The following SLC28A2 variants were observed in gnomAD, a reference collection of about 807,000 sequenced individuals.
The protein encoded by SLC28A2 is solute carrier family 28 member 2, also known as sodium/nucleoside cotransporter 2.
Under a neutral mutation model 72.9 loss-of-function variants are expected in SLC28A2, and 69 were observed. That is an observed-to-expected ratio of 0.95 (90% CI 0.78 to 1.16). SLC28A2 has a LOEUF of 1.16. Among genes scored for constraint, SLC28A2 ranks in the 50% most tolerant of loss-of-function variants. The probability of loss-of-function intolerance (pLI) is 0.00; values close to 1 mark genes in which losing one functional copy is unlikely to be tolerated. For synonymous variants in SLC28A2, 296 were observed against 294.1 expected (o/e 1.01, Z -0.07); for missense variants, 745 against 791.1 (o/e 0.94, Z 0.70).
At chr15:45,269,029 A>T (rs1327931250) in intron 13 of SLC28A2, among the ~76,000 whole-genome samples, 1 of 59,298 alleles carries the variant, frequency 1.7e-5, no homozygotes. Flanking sequence ...GGGTGGGGGG[A>T]GGGGGGAGGG....
chr15:45,264,727 C>G lies in SLC28A2; in HGVS notation c.661C>G (p.Leu221Val), dbSNP rs1409172844. 6.2e-7 allele frequency: 1 copy of G among 1,613,466 alleles called. No individual in the cohort carries two copies. The highest frequency in any genetic ancestry group is 8.5e-7 in the Non-Finnish European group (1 of 1,179,556). Residue 221 changes from leucine (L) to valine (V), a missense_variant, in exon 7 of 18, where the codon CTT becomes GTT. By Grantham distance (32) the Leu-to-Val change is conservative. Transcript: ENST00000347644. ...VFGILVIRTDLGYTVFQWLGE... is the reference protein window; with the variant it reads ...VFGILVIRTDVGYTVFQWLGE... ...TGGGATCTTGGTCATCAGAACTGAT[C>G]TTGGATATACTGTATTTCAGTGGCT... is the stretch of plus-strand genomic sequence containing the variant.
rs1899862014 is a variant in SLC28A2, at chr15:45,253,301, T to C, written c.81+5T>C. On this transcript the variant is annotated splice_donor_5th_base_variant and intron_variant, in intron 2 of 17. Coordinates refer to ENST00000347644, the MANE Select transcript of SLC28A2 (RefSeq NM_004212.4). ...AACCCGGGGCTGGAGCTCATGGTAA[T>C]CACCAGTTTAGTTTCTCTCTGCAGA... 2 of 1,609,862 alleles carry C rather than the reference T, an allele frequency of 1.2e-6. No individual in the cohort carries two copies. The highest frequency in any genetic ancestry group is 1.3e-5 in the African/African-American group (1 of 75,016).
Position 45,262,115 on chromosome 15 carries a change from T to C in SLC28A2, c.262+9T>C, listed in dbSNP as rs780197190. On this transcript the variant is annotated intron_variant, in intron 4 of 17. Transcript: ENST00000347644. ...GGGCCTGTTGTGTTTGGGTGAGATA[T>C]TGAGAATTCATGAAAGTGAGAAACA... The C allele has an allele frequency of 5.7e-6, 9 of 1,575,262 alleles. No homozygotes were observed. The highest frequency in any genetic ancestry group is 3.3e-5 in the South Asian group (3 of 89,650).
At chr15:45,253,678 T>A in intron 3 of SLC28A2, 158 bp downstream of exon 3, 1 of 537,856 alleles carries the variant, frequency 1.9e-6, no homozygotes, top group Non-Finnish European at 3.4e-6. Context: ...TGCCATAAAC[T>A]CCATAAAAAA....
At chr15:45,270,410 T>C in intron 15 of SLC28A2, 134 bp downstream of exon 15, 1 of 678,706 alleles carries the variant, frequency 1.5e-6, no homozygotes, top group Non-Finnish European at 2.7e-6. Flanking sequence ...TTTCTTAGGC[T>C]GCAGTTAACT....
rs1259776210 is a variant in SLC28A2, at chr15:45,265,676, C to A, written c.861+13C>A. On this transcript the variant is annotated intron_variant, in intron 9 of 17. Transcript: ENST00000347644. ...GGTAGTTCAGAAGGTGAGTCGTTCT[C>A]TTACACCAGTCAGGAGACAGGCCTT... The A allele has an allele frequency of 6.4e-7, 1 of 1,571,404 alleles. No homozygotes were observed. The highest frequency in any genetic ancestry group is 8.8e-7 in the Non-Finnish European group (1 of 1,141,082).
intron 3 of SLC28A2, 115 bp downstream of exon 3, chr15:45,253,635 A>G: frequency 3.3e-6 from 2 of 614,830 alleles, no homozygotes; most frequent in Non-Finnish European, 5.9e-6. Flanking sequence ...ACATATATAT[A>G]TGTATCTTAC....
intron 9 of SLC28A2, among the ~76,000 whole-genome samples, 191 bp from the exon 10 acceptor site, chr15:45,265,890 T>TG (rs1331335243): frequency 1.3e-5 from 2 of 152,132 alleles, no homozygotes; most frequent in African/African-American, 4.8e-5. Context: ...TTAATGTACT[T>TG]GTTCTAAAGG....
chr15:45,271,577 A>AGG (rs1900570774), intron 15 of SLC28A2, among the ~76,000 whole-genome samples: 1 of 130,278 alleles, frequency 7.7e-6, no homozygotes, highest in Non-Finnish European at 1.6e-5. Flanking sequence ...AAAAAGAAGA[A>AGG]AAGGAAGGAA....
chr15:45,254,630 T>C (rs150228254), intron 3 of SLC28A2, among the ~76,000 whole-genome samples: 19 of 152,348 alleles, frequency 1.2e-4, no homozygotes, highest in African/African-American at 4.6e-4. Context: ...TTTATCAGAA[T>C]GTATCCCTGT....
chr15:45,272,857 C>A, intron 17 of SLC28A2, 73 bp downstream of exon 17: 1 of 802,714 alleles, frequency 1.2e-6, no homozygotes, highest in Non-Finnish European at 2.2e-6. Flanking sequence ...GTTGAGGTTG[C>A]ATAGAGTGTA....
In SLC28A2 at chr15:45,253,627, A is replaced by G. The variant is rs1459058964; in HGVS notation, c.170+107A>G. On this transcript the variant is annotated intron_variant, in intron 3 of 17. Coordinates refer to ENST00000347644, the MANE Select transcript of SLC28A2 (RefSeq NM_004212.4). ...AACCGCTCCACCTTACCATGTGTAC[A>G]TATATATATGTATCTTACATAATTA... The G allele has an allele frequency of 3.8e-5, 24 of 637,160 alleles. No individual in the cohort carries two copies. The Admixed American group carries it at 6.5e-4, about 17-fold the overall frequency. The allele number at this position is 637,160 out of a possible 1,614,324, so 39.5% of individuals were successfully genotyped here.
chr15:45,252,256 G>A lies in SLC28A2; in HGVS notation c.-39G>A, dbSNP rs1159060843. On this transcript the variant is annotated 5_prime_UTR_variant, in exon 1 of 18. Transcript: ENST00000347644. ...TTCAGTCCTTCACTGAGGAGCCAGA[G>A]GGAATCAATTCCACAAGCTGGGGTA... 5 of 455,726 alleles carry A rather than the reference G, an allele frequency of 1.1e-5. No homozygotes were observed. Among genetic ancestry groups the A allele is most frequent in the African/African-American group, 8.0e-5 (4 of 50,036 alleles). The allele number at this position is 455,726 out of a possible 1,614,324, so 28.2% of individuals were successfully genotyped here.
At chr15:45,254,759 T>G (rs1899920447) in intron 3 of SLC28A2, among the ~76,000 whole-genome samples, 1 of 152,258 alleles carries the variant, frequency 6.6e-6, no homozygotes, top group South Asian at 2.1e-4. Flanking sequence ...CTTAAAATTT[T>G]TAATTGTTTT....
intron 14 of SLC28A2, 24 bp downstream of exon 14, chr15:45,269,559 A>C: frequency 6.3e-7 from 1 of 1,595,314 alleles, no homozygotes; most frequent in Non-Finnish European, 8.6e-7. Flanking sequence ...CAAAAAGCAT[A>C]AACACCGTGA....
At chr15:45,260,879 T>C (rs1900140853) in intron 3 of SLC28A2, among the ~76,000 whole-genome samples, 1 of 152,216 alleles carries the variant, frequency 6.6e-6, no homozygotes, top group Non-Finnish European at 1.5e-5. Context: ...TTTCTCAGCT[T>C]ACCTGTATCT....
At chr15:45,274,719 T>C (rs1314359316) in intron 17 of SLC28A2, among the ~76,000 whole-genome samples, 2 of 151,916 alleles carry the variant, frequency 1.3e-5, no homozygotes, top group East Asian at 1.9e-4. Context: ...GCTGGATTCA[T>C]CATTGCTCTG....
chr15:45,275,826 T>C lies in SLC28A2; in HGVS notation c.*313T>C. On this transcript the variant is annotated 3_prime_UTR_variant, in exon 18 of 18. Coordinates refer to ENST00000347644, the MANE Select transcript of SLC28A2 (RefSeq NM_004212.4). ...GTCGGGCGACTGTAGTCCCAGCTAC[T>C]CGCGAGGCTGAGGCAGGAGAATGGC... 1 of 176,502 alleles carries C rather than the reference T, an allele frequency of 5.7e-6. No individual in the cohort carries two copies. The highest frequency in any genetic ancestry group is 1.2e-5 in the Non-Finnish European group (1 of 84,064). The allele number at this position is 176,502 out of a possible 1,614,324, so 10.9% of individuals were successfully genotyped here. A position where few individuals can be genotyped will look rare whatever the true frequency, so the allele number is the denominator to read the frequency against.
In SLC28A2 at chr15:45,268,197, C is replaced by T. The variant is rs1023355634; in HGVS notation, c.1200-13C>T. 1.3e-6 allele frequency: 2 copies of T among 1,592,058 alleles called. No homozygotes were observed. Among genetic ancestry groups the T allele is most frequent in the African/African-American group, 2.7e-5 (2 of 74,568 alleles). On this transcript the variant is annotated splice_polypyrimidine_tract_variant and intron_variant, in intron 12 of 17. Coordinates refer to ENST00000347644, the MANE Select transcript of SLC28A2 (RefSeq NM_004212.4). ...TAGACACCCTACTCTTGCCCTCTGC[C>T]CAATAACCACAGGAAGGAGAGGAAT...
Sources: allele counts gnomAD v4.1 joint callset (sites outside exome capture counted in the v4.1 genomes callset), GRCh38; gene constraint gnomAD v4.1.1; transcripts MANE v1.5; gene names NCBI Gene and HGNC (gene_info 2026-07-23, HGNC 2026-07-21).